Variants in THNSL2 observed in about 807,000 individuals in gnomAD.
THNSL2 encodes the protein threonine synthase-like 2.
In THNSL2, 34 loss-of-function variants were observed where a neutral mutation model predicts 40.0. The observed-to-expected ratio is 0.85, with a 90% CI of 0.65 to 1.13. THNSL2 has a LOEUF of 1.13. Ranked by LOEUF, THNSL2 falls within the 50% of genes most tolerant of loss-of-function variation. The pLI is 0.00. For synonymous variants in THNSL2, 241 were observed against 247.5 expected, an observed-to-expected ratio of 0.97 and a Z score of 0.25; for missense variants, 537 against 608.8, an observed-to-expected ratio of 0.88 and a Z score of 1.24.
intron 5 of THNSL2, 54 bp from the exon 6 acceptor site, chr2:88,182,645 T>G: frequency 2.0e-6 from 3 of 1,467,982 alleles, no homozygotes; most frequent in Non-Finnish European, 1.8e-6. Context: ...TTTACTTTTT[T>G]CTTTTTGCTT....
At chr2:88,182,614 C>A (rs753552231) in intron 5 of THNSL2, 85 bp from the exon 6 acceptor site, 80 of 1,397,392 alleles carry the variant, frequency 5.7e-5, no homozygotes, top group Non-Finnish European at 7.4e-5. Context: ...ACAAAAGTTT[C>A]TTAATTTTGA....
intron 5 of THNSL2, among the ~76,000 whole-genome samples, chr2:88,182,007 G>T (rs1202134476): frequency 6.6e-6 from 1 of 152,156 alleles, no homozygotes; most frequent in African/African-American, 2.4e-5. Context: ...TTGTTTATCA[G>T]TTTATCAGCT....
chr2:88,182,743 G>A lies in THNSL2; in HGVS notation c.847G>A (p.Val283Met), dbSNP rs147776956. Reference sequence around the variant, plus strand: ...GATAGGCCTGCCCATCCGTCTGGTCGTGGCAGTGAACCGCAATGACATCAT... The same window carrying A: ...GATAGGCCTGCCCATCCGTCTGGTCATGGCAGTGAACCGCAATGACATCAT... ...QKIGLPIRLVVAVNRNDIIHR... is the reference protein window; with the variant it reads ...QKIGLPIRLVMAVNRNDIIHR... The change falls in exon 6 of 9, where the codon GTG (valine) becomes ATG (methionine). Residue 283 changes from valine (V) to methionine (M), a missense_variant. Val to Met is a conservative substitution (Grantham distance 21). Transcript: ENST00000674334. The A allele has an allele frequency of 1.9e-4, 309 of 1,613,974 alleles. No homozygotes were observed. The East Asian group carries it at 5.1e-3, about 27-fold the overall frequency.
intron 5 of THNSL2, among the ~76,000 whole-genome samples, chr2:88,182,280 T>C (rs1212598087): frequency 6.6e-6 from 1 of 152,230 alleles, no homozygotes; most frequent in Non-Finnish European, 1.5e-5. Flanking sequence ...CTTTTTATTA[T>C]CTGTCTTTTT....
At chr2:88,178,762 C>G in intron 4 of THNSL2, 21 bp from the exon 5 acceptor site, 1 of 1,613,670 alleles carries the variant, frequency 6.2e-7, no homozygotes, top group Admixed American at 1.7e-5. Flanking sequence ...GACAGCTGCC[C>G]TCTTCTCTCC....
intron 1 of THNSL2, chr2:88,171,092 C>G (rs575252950): frequency 4.4e-5 from 15 of 339,746 alleles, no homozygotes; most frequent in South Asian, 1.3e-4. Context: ...GTCCGGGTCT[C>G]CATCCCATGC....
At chr2:88,171,407 C>A in intron 1 of THNSL2, 1 of 444,908 alleles carries the variant, frequency 2.2e-6, no homozygotes, top group Non-Finnish European at 4.5e-6. Context: ...ATCCTCCTTC[C>A]CAGTGCCCCA....
At chr2:88,174,534 G>T in intron 2 of THNSL2, 105 bp from the exon 3 acceptor site, 4 of 1,157,112 alleles carry the variant, frequency 3.5e-6, no homozygotes, top group South Asian at 1.6e-5. Flanking sequence ...GAAGATTTTT[G>T]GCCTTTTAGT....
chr2:88,180,657 G>T (rs1456465568), intron 5 of THNSL2, among the ~76,000 whole-genome samples: 1 of 152,158 alleles, frequency 6.6e-6, no homozygotes, highest in Non-Finnish European at 1.5e-5. Context: ...ACTCACCAGA[G>T]ATAAACTGCT....
chr2:88,175,198 G>C (rs528404098), intron 3 of THNSL2, 51 bp from the exon 4 acceptor site: 67 of 1,577,942 alleles, frequency 4.2e-5, no homozygotes, highest in Non-Finnish European at 5.5e-5. Flanking sequence ...TTCTTTCCTC[G>C]TTCATTCCCT....
intron 1 of THNSL2, 109 bp downstream of exon 1, chr2:88,170,565 C>A (rs1046546558): frequency 6.6e-6 from 1 of 152,310 alleles, no homozygotes; most frequent in Non-Finnish European, 1.5e-5. Flanking sequence ...GGCCCACGTC[C>A]GTCGCCCCGC....
Position 88,173,293 on chromosome 2 carries a change from C to T in THNSL2, c.143C>T (p.Thr48Ile), listed in dbSNP as rs1263652799. The change falls in exon 2 of 9, where the codon ACA becomes ATA. Residue 48 changes from threonine to isoleucine, a missense_variant. By Grantham distance (89) the Thr-to-Ile change is moderately conservative. Coordinates refer to ENST00000674334, the MANE Select transcript of THNSL2 (RefSeq NM_018271.5). The stretch of plus-strand genomic sequence containing the variant: ...AGAGGGACCCTGTGCCAGTGGAGCA[C>T]ACTCTCCTATCCTGGCCTGGTGAAG... The part of the protein sequence containing the change: ...LDRGTLCQWS[T>I]LSYPGLVKEL... The T allele has an allele frequency of 6.2e-7, 1 of 1,612,530 alleles. No individual in the cohort carries two copies. The highest frequency in any genetic ancestry group is 2.2e-5 in the East Asian group (1 of 44,892).
At chr2:88,175,436 A>C in intron 4 of THNSL2, 35 bp downstream of exon 4, 1 of 1,604,480 alleles carries the variant, frequency 6.2e-7, no homozygotes, top group Non-Finnish European at 8.5e-7. Context: ...GGGACAGTGC[A>C]GCCCTGCCTT....
rs984351105 is a variant in THNSL2 at position 88,182,490 on chromosome 2, A to G, written c.803-209A>G. On this transcript the variant is annotated intron_variant, in intron 5 of 8. Coordinates refer to ENST00000674334, the MANE Select transcript of THNSL2 (RefSeq NM_018271.5). ...ATTGAGTTGCAACAGTTCTTTATAT[A>G]TTCTGGATACAAATCCCTTATCAGA... 15 of 467,350 alleles carry G rather than the reference A, an allele frequency of 3.2e-5. No homozygotes were observed. In the Admixed American group the frequency reaches 5.3e-4, roughly 16 times the overall value. 29.0% of individuals were successfully genotyped at this position (467,350 alleles called of 1,614,324 possible).
chr2:88,175,895 T>G lies in THNSL2; in HGVS notation c.571+494T>G, dbSNP rs141647046. 1,330 of 153,552 alleles carry G rather than the reference T, an allele frequency of 8.7e-3. 6 individuals carry two copies. The highest frequency in any genetic ancestry group is 0.013 in the Non-Finnish European group (925 of 69,032). 9.5% of individuals were successfully genotyped at this position (153,552 alleles called of 1,614,324 possible). On this transcript the variant is annotated intron_variant, in intron 4 of 8. Coordinates refer to ENST00000674334, the MANE Select transcript of THNSL2 (RefSeq NM_018271.5). ...GGTGGATCGCTTCAGCCCAGGAGTT[T>G]GAGACCAGCCTGGGCAACATGGCGA...
chr2:88,178,004 C>CT (rs1677122171), intron 4 of THNSL2, among the ~76,000 whole-genome samples: 1 of 152,224 alleles, frequency 6.6e-6, no homozygotes, highest in African/African-American at 2.4e-5. Context: ...CCCTTAATGC[C>CT]TTCTCTGGCA....
Position 88,173,131 on chromosome 2 carries a change from C to T in THNSL2, c.-12-8C>T, listed in dbSNP as rs1447250066. 1.3e-6 allele frequency: 2 copies of T among 1,500,796 alleles called. No homozygotes were observed. The highest frequency in any genetic ancestry group is 1.8e-6 in the Non-Finnish European group (2 of 1,121,338). 93.0% of individuals were successfully genotyped at this position (1,500,796 alleles called of 1,614,324 possible). On this transcript the variant is annotated splice_polypyrimidine_tract_variant and splice_region_variant and intron_variant, in intron 1 of 8. Transcript: ENST00000674334. ...GACCAGGTGCTTCTGGGACTGTCCT[C>T]TCTGCAGGCCTCCAGGATCATGTGG... is the stretch of plus-strand genomic sequence containing the variant.
intron 5 of THNSL2, among the ~76,000 whole-genome samples, chr2:88,180,937 G>T (rs749978511): frequency 1.7e-4 from 26 of 152,100 alleles, no homozygotes; most frequent in Non-Finnish European, 3.2e-4. Flanking sequence ...CTTTGGACAG[G>T]TCATTTAGAC....
At chr2:88,182,070 C>T (rs1193146584) in intron 5 of THNSL2, among the ~76,000 whole-genome samples, 6 of 152,118 alleles carry the variant, frequency 3.9e-5, no homozygotes, top group African/African-American at 1.4e-4. Flanking sequence ...CTGCAGTGAA[C>T]ATTTGTGTAC....
Sources: gnomAD v4.1 joint callset for allele counts (sites outside exome capture counted in the v4.1 genomes callset) on GRCh38, gnomAD v4.1.1 for gene constraint, MANE v1.5 for transcripts, NCBI Gene and HGNC (gene_info 2026-07-23, HGNC 2026-07-21) for gene names.